Variants in CLMP observed in about 807,000 individuals in gnomAD.
CLMP encodes CXADR like cell adhesion molecule.
CLMP carries 27 observed loss-of-function variants against 45.2 expected under a neutral mutation model. That is an observed-to-expected ratio of 0.60 (90% confidence interval 0.44 to 0.82). CLMP has a LOEUF of 0.82. Ranked by LOEUF, CLMP falls within the 40% of genes least tolerant of loss-of-function variation. The probability of loss-of-function intolerance (pLI) is 0.00; values close to 1 mark genes in which losing one functional copy is unlikely to be tolerated. For synonymous variants in CLMP, 167 were observed against 171.4 expected (o/e 0.97, Z 0.20); for missense variants, 403 against 448.4 (o/e 0.90, Z 0.91).
At chr11:123,074,959 G>T (rs967875973) in intron 5 of CLMP, 116 bp from the exon 6 acceptor site, 755 of 943,876 alleles carry the variant, frequency 8.0e-4, no homozygotes, top group Middle Eastern at 3.2e-3. Context: ...TGTTTGTTTT[G>T]TTTTTTTTTT....
In CLMP at chr11:123,083,728, G is replaced by A. The variant is rs765907815; in HGVS notation, c.508C>T (p.Arg170Ter). The change falls in exon 4 of 7, where the codon CGA (arginine) becomes TGA (stop). Residue 170 changes from arginine to a stop codon, truncating the protein, a stop_gained. Coordinates refer to ENST00000448775, the MANE Select transcript of CLMP (RefSeq NM_024769.5). LOFTEE classifies it high-confidence loss of function. ...CGTTCATCCTCTCCCTCTTTCTCTC[G>A]GATTCGCTGCCAGTAATACACAATG... ...EPIVYYWQRIREKEGEDERLP... is the reference protein window; with the variant it reads ...EPIVYYWQRI The A allele has an allele frequency of 1.1e-5, 18 of 1,613,952 alleles. No individual in the cohort carries two copies. Among genetic ancestry groups the A allele is most frequent in the Non-Finnish European group, 1.4e-5 (16 of 1,179,998 alleles).
intron 1 of CLMP, among the ~76,000 whole-genome samples, chr11:123,156,025 T>A (rs933851585): frequency 1.1e-4 from 17 of 152,276 alleles, no homozygotes; most frequent in African/African-American, 4.1e-4. Context: ...TATGTTGAAG[T>A]TCTAACCCTC....
intron 1 of CLMP, among the ~76,000 whole-genome samples, chr11:123,193,584 C>T (rs899884592): frequency 6.6e-6 from 1 of 152,184 alleles, no homozygotes; most frequent in African/African-American, 2.4e-5. Context: ...TGGCTTAGCC[C>T]ACCTCTTTCA....
chr11:123,076,382 T>G (rs191758004), intron 5 of CLMP, among the ~76,000 whole-genome samples: 4 of 152,308 alleles, frequency 2.6e-5, no homozygotes, highest in Admixed American at 2.0e-4. Flanking sequence ...CAGCAAGTTT[T>G]CTGCTTTTGT....
chr11:123,172,442 A>G (rs17736919), intron 1 of CLMP, among the ~76,000 whole-genome samples: 98,333 of 151,372 alleles, frequency 0.65, 32,757 homozygotes, highest in African/African-American at 0.8. Context: ...TGAGATGTTA[A>G]TTTGTGCCAG....
intron 1 of CLMP, among the ~76,000 whole-genome samples, chr11:123,107,550 T>C (rs1289231529): frequency 6.6e-6 from 1 of 150,910 alleles, no homozygotes; most frequent in Non-Finnish European, 1.5e-5. Flanking sequence ...TTTTTTTTTT[T>C]TTTCAGAAAC....
At chr11:123,121,881 C>G (rs547900795) in intron 1 of CLMP, among the ~76,000 whole-genome samples, 1 of 152,130 alleles carries the variant, frequency 6.6e-6, no homozygotes, top group Non-Finnish European at 1.5e-5. Flanking sequence ...CTGGTACTGA[C>G]TACAGGCACG....
intron 1 of CLMP, among the ~76,000 whole-genome samples, chr11:123,190,384 C>A (rs564734151): frequency 6.6e-6 from 1 of 152,158 alleles, no homozygotes; most frequent in Non-Finnish European, 1.5e-5. Context: ...ATGACAACCA[C>A]ATCTGGACCA....
chr11:123,136,290 A>G lies in CLMP; in HGVS notation c.29-38338T>C, dbSNP rs114509770. On this transcript the variant is annotated intron_variant, in intron 1 of 6. Coordinates refer to ENST00000448775, the MANE Select transcript of CLMP (RefSeq NM_024769.5). Reference sequence around the variant, plus strand: ...GAACTGTGGCCAAACACTGGATTCCACCACTGGTGTCTTCGCGCATACTCA... The same window carrying G: ...GAACTGTGGCCAAACACTGGATTCCGCCACTGGTGTCTTCGCGCATACTCA... 2.0e-3 allele frequency: 1,265 copies of G among 646,520 alleles called. 18 individuals carry two copies. In the African/African-American group the frequency reaches 0.021, roughly 11 times the overall value. The allele number at this position is 646,520 out of a possible 1,614,324, so 40.0% of individuals were successfully genotyped here.
Position 123,164,891 on chromosome 11 carries a change from T to C in CLMP, c.28+30022A>G, listed in dbSNP as rs574772713. Among the ~76,000 whole-genome samples, 27 of 152,280 alleles carry C rather than the reference T, an allele frequency of 1.8e-4. No individual in the cohort carries two copies. In the East Asian group the frequency reaches 3.9e-3, roughly 22 times the overall value. On this transcript the variant is annotated intron_variant, in intron 1 of 6. Coordinates refer to ENST00000448775, the MANE Select transcript of CLMP (RefSeq NM_024769.5). ...CTCCTAAAGTTAGGAAAAGTGACCT[T>C]AGAATCATTGGAATTGAAACTAACC...
At chr11:123,151,506 A>G (rs1222849459) in intron 1 of CLMP, among the ~76,000 whole-genome samples, 1 of 152,248 alleles carries the variant, frequency 6.6e-6, no homozygotes, top group Non-Finnish European at 1.5e-5. Flanking sequence ...TAACTACAGA[A>G]GCATTTTGCT....
intron 5 of CLMP, among the ~76,000 whole-genome samples, chr11:123,081,862 GAA>G (rs569269048): frequency 8.2e-5 from 8 of 97,754 alleles, no homozygotes; most frequent in Non-Finnish European, 8.7e-5. Flanking sequence ...ACCCTGTCCA[GAA>G]AAAAAAAAAA....
chr11:123,169,269 T>C (rs1861598929), intron 1 of CLMP, among the ~76,000 whole-genome samples: 1 of 152,180 alleles, frequency 6.6e-6, no homozygotes, highest in South Asian at 2.1e-4. Flanking sequence ...CTAATGAGCA[T>C]TGAGGAGCCA....
intron 1 of CLMP, among the ~76,000 whole-genome samples, chr11:123,190,001 CAAAAAAAAAAA>C (rs10594946): frequency 7.7e-6 from 1 of 129,514 alleles, no homozygotes; most frequent in Non-Finnish European, 1.6e-5. Flanking sequence ...GACTCTGTCT[CAAAAAAAAAAA>C]AAAAAAAAAA....
intron 1 of CLMP, among the ~76,000 whole-genome samples, chr11:123,152,010 C>T (rs74554984): frequency 0.048 from 7,348 of 152,212 alleles, 264 homozygotes; most frequent in Middle Eastern, 0.092. Context: ...TTGCCTATAG[C>T]ACAGTTCTGA....
At chr11:123,183,033 G>T (rs569136328) in intron 1 of CLMP, among the ~76,000 whole-genome samples, 8 of 152,312 alleles carry the variant, frequency 5.3e-5, no homozygotes, top group Admixed American at 3.9e-4. Context: ...GATGATTCAG[G>T]TATGAATCTT....
intron 1 of CLMP, among the ~76,000 whole-genome samples, chr11:123,171,447 C>CTTTTCTTTT (rs1555086712): frequency 7.3e-6 from 1 of 136,438 alleles, no homozygotes; most frequent in Non-Finnish European, 1.6e-5. Context: ...CTTTTCTTTT[C>CTTTTCTTTT]TTTTTTTTTT....
At chr11:123,143,605 G>T (rs555716002) in intron 1 of CLMP, among the ~76,000 whole-genome samples, 2 of 152,206 alleles carry the variant, frequency 1.3e-5, no homozygotes, top group Admixed American at 6.5e-5. Context: ...CAACCACAAA[G>T]AACTCAATAC....
intron 2 of CLMP, among the ~76,000 whole-genome samples, chr11:123,085,769 G>GTTTTTTTTTTTTTTTTTTTT (rs200240564): frequency 7.5e-6 from 1 of 134,210 alleles, no homozygotes; most frequent in African/African-American, 2.7e-5. Context: ...AATTTTTTAT[G>GTTTTTTTTTTTTTTTTTTTT]TTTTTTTTTT....
Sources: allele counts gnomAD v4.1 joint callset (sites outside exome capture counted in the v4.1 genomes callset), GRCh38; gene constraint gnomAD v4.1.1; transcripts MANE v1.5; gene names NCBI Gene and HGNC (gene_info 2026-07-23, HGNC 2026-07-21).